SLC51B: variants seen among roughly 807,000 people sequenced by gnomAD.
SLC51B encodes organic solute transporter subunit beta.
A neutral mutation model predicts 8.0 loss-of-function variants in SLC51B; 6 were observed. That is an observed-to-expected ratio of 0.75 (90% CI 0.41 to 1.48). The LOEUF (loss-of-function observed/expected upper bound fraction) is 1.48, where lower values mean the gene tolerates loss of function less well. SLC51B is among the 40% of genes most tolerant of loss of function. The pLI is 0.01. For synonymous variants in SLC51B, 61 were observed against 54.8 expected (o/e 1.11, Z -0.50); for missense variants, 150 against 149.7 (o/e 1.00, Z -0.01).
chr15:65,047,344 A>G lies in SLC51B; in HGVS notation c.-109+1762A>G, dbSNP rs2086589338. ...AAAACAAAACTCCATCTCAAAAAAA[A>G]AAAAACATACATACAAATAGACAAA... is the stretch of plus-strand genomic sequence containing the variant. On this transcript the variant is annotated intron_variant, in intron 1 of 3. Coordinates refer to ENST00000334287, the MANE Select transcript of SLC51B (RefSeq NM_178859.4). Among the ~76,000 whole-genome samples the G allele has an allele frequency of 2.0e-5, 3 of 152,160 alleles. No homozygotes were observed. The South Asian group carries it at 6.2e-4, about 31-fold the overall frequency.
chr15:65,049,579 T>C (rs2086622779), intron 1 of SLC51B: 1 of 153,482 alleles, frequency 6.5e-6, no homozygotes, highest in African/African-American at 2.4e-5. Flanking sequence ...GGGCGCGCTG[T>C]GGGCTCGTAG....
In SLC51B at chr15:65,049,893, C is replaced by A; in HGVS notation, c.-108-4C>A. ...TCCAGTCATGCTGTCTGCTTTGTTT[C>A]CAGGGGTCTTCACGGCTTCTCTGCC... On this transcript the variant is annotated splice_polypyrimidine_tract_variant and splice_region_variant and intron_variant, in intron 1 of 3. Transcript: ENST00000334287. 1.5e-6 allele frequency: 1 copy of A among 649,796 alleles called. No individual in the cohort carries two copies. Among genetic ancestry groups the A allele is most frequent in the Non-Finnish European group, 2.5e-6 (1 of 398,722 alleles). The allele number at this position is 649,796 out of a possible 1,614,324, so 40.3% of individuals were successfully genotyped here. A position where few individuals can be genotyped will look rare whatever the true frequency, so the allele number is the denominator to read the frequency against.
intron 2 of SLC51B, 36 bp from the exon 3 acceptor site, chr15:65,051,479 A>G (rs759830555): frequency 4.1e-5 from 66 of 1,606,328 alleles, no homozygotes; most frequent in Non-Finnish European, 5.5e-5. Context: ...GTGCCTGGCC[A>G]TTCCTCAGGG....
intron 2 of SLC51B, among the ~76,000 whole-genome samples, chr15:65,050,952 C>A (rs936005844): frequency 3.5e-5 from 5 of 144,034 alleles, no homozygotes; most frequent in Non-Finnish European, 7.5e-5. Flanking sequence ...TCAAGTGATT[C>A]TCATGCCTCA....
chr15:65,046,119 G>A (rs972810445), intron 1 of SLC51B, among the ~76,000 whole-genome samples: 2 of 152,184 alleles, frequency 1.3e-5, no homozygotes, highest in South Asian at 2.1e-4. Context: ...TGGCCAATGT[G>A]GTGAAATGCT....
chr15:65,052,955 T>C lies in SLC51B; in HGVS notation c.189-11T>C, dbSNP rs1485178176. 1.3e-6 allele frequency: 2 copies of C among 1,514,768 alleles called. No individual in the cohort carries two copies. The highest frequency in any genetic ancestry group is 2.2e-5 in the South Asian group (2 of 89,494). The allele number at this position is 1,514,768 out of a possible 1,614,324, so 93.8% of individuals were successfully genotyped here. ...AGCCCCCCTCATTAACACTGTTCCC[T>C]GTCCCCCCAGAAAAGAAAAGATGCA... On this transcript the variant is annotated splice_polypyrimidine_tract_variant and intron_variant, in intron 3 of 3. Coordinates refer to ENST00000334287, the MANE Select transcript of SLC51B (RefSeq NM_178859.4).
In SLC51B at chr15:65,050,082, G is replaced by T. The variant is rs2086629568; in HGVS notation, c.78G>T (p.Trp26Cys). Reference protein sequence around the residue: ...VPQELLEEMLWFFRVEDASPW... With the variant: ...VPQELLEEMLCFFRVEDASPW... The stretch of plus-strand genomic sequence containing the variant: ...AGGAGCTGCTGGAAGAGATGCTTTG[G>T]TTTTTTCGTGTGGAAGATGGTAAGT... Residue 26 changes from tryptophan (W) to cysteine (C), a missense_variant, in exon 2 of 4, where the codon TGG becomes TGT. By Grantham distance (215) the Trp-to-Cys change is radical (BLOSUM62 -2). Transcript: ENST00000334287. 1 of 1,551,648 alleles carries T rather than the reference G, an allele frequency of 6.4e-7. No homozygotes were observed. The highest frequency in any genetic ancestry group is 8.7e-7 in the Non-Finnish European group (1 of 1,146,924).
chr15:65,053,136 T>G lies in SLC51B; in HGVS notation c.359T>G (p.Leu120Arg). 1.2e-6 allele frequency: 2 copies of G among 1,614,118 alleles called. No homozygotes were observed. The highest frequency in any genetic ancestry group is 1.7e-6 in the Non-Finnish European group (2 of 1,180,024). The change falls in exon 4 of 4, where the codon CTT becomes CGT. Residue 120 changes from leucine to arginine, a missense_variant. By Grantham distance (102) the Leu-to-Arg change is moderately radical (BLOSUM62 -2). Coordinates refer to ENST00000334287, the MANE Select transcript of SLC51B (RefSeq NM_178859.4). Reference protein sequence around the residue: ...LKERDVLSVFLPDVPETES With the variant: ...LKERDVLSVFRPDVPETES ...GAGAGAGATGTGCTGTCAGTTTTCC[T>G]TCCGGATGTACCAGAAACTGAGAGC...
chr15:65,049,895 A>G lies in SLC51B; in HGVS notation c.-108-2A>G. 1 of 686,972 alleles carries G rather than the reference A, an allele frequency of 1.5e-6. No homozygotes were observed. Among genetic ancestry groups the G allele is most frequent in the Non-Finnish European group, 2.4e-6 (1 of 422,772 alleles). The allele number at this position is 686,972 out of a possible 1,614,324, so 42.6% of individuals were successfully genotyped here. A position where few individuals can be genotyped will look rare whatever the true frequency, so the allele number is the denominator to read the frequency against. On this transcript the variant is annotated splice_acceptor_variant, in intron 1 of 3. Transcript: ENST00000334287. LOFTEE classifies it low-confidence loss of function (5UTR_SPLICE). ...CAGTCATGCTGTCTGCTTTGTTTCCAGGGGTCTTCACGGCTTCTCTGCCCA... is the reference window on the plus strand; with the variant it reads ...CAGTCATGCTGTCTGCTTTGTTTCCGGGGGTCTTCACGGCTTCTCTGCCCA...
Position 65,052,909 on chromosome 15 carries a change from C to G in SLC51B, c.189-57C>G, listed in dbSNP as rs201553723. 300 of 1,559,830 alleles carry G rather than the reference C, an allele frequency of 1.9e-4. No individual in the cohort carries two copies. In the East Asian group the frequency reaches 6.6e-3, roughly 34 times the overall value. On this transcript the variant is annotated intron_variant, in intron 3 of 3. Transcript: ENST00000334287. The stretch of plus-strand genomic sequence containing the variant: ...AGACTCTTTAAGCCATTTGGGCGAC[C>G]CAGTCCTGCCCCAACCACTCAGCCC...
In SLC51B at chr15:65,053,346, T is replaced by A; in HGVS notation, c.*182T>A. On this transcript the variant is annotated 3_prime_UTR_variant, in exon 4 of 4. Coordinates refer to ENST00000334287, the MANE Select transcript of SLC51B (RefSeq NM_178859.4). ...TGCAAGCAAACTAAAATTCTGTTAT[T>A]AAAAAAAATCTTTTATTAAAATGCT... is the stretch of plus-strand genomic sequence containing the variant. The A allele has an allele frequency of 7.1e-7, 1 of 1,416,258 alleles. No individual in the cohort carries two copies. The highest frequency in any genetic ancestry group is 9.1e-7 in the Non-Finnish European group (1 of 1,093,250). 87.7% of individuals were successfully genotyped at this position (1,416,258 alleles called of 1,614,324 possible).
At chr15:65,051,632 G>A in intron 3 of SLC51B, 27 bp downstream of exon 3, 4 of 1,608,474 alleles carry the variant, frequency 2.5e-6, no homozygotes, top group Non-Finnish European at 3.4e-6. Flanking sequence ...GGGGGGATGG[G>A]GTGGTCTCTG....
At chr15:65,048,293 G>C (rs1348053296) in intron 1 of SLC51B, among the ~76,000 whole-genome samples, 1 of 152,140 alleles carries the variant, frequency 6.6e-6, no homozygotes, top group African/African-American at 2.4e-5. Context: ...GCTTAAGTCA[G>C]TATTGTATTT....
intron 1 of SLC51B, among the ~76,000 whole-genome samples, chr15:65,048,250 C>T (rs1184284063): frequency 6.6e-6 from 1 of 151,928 alleles, no homozygotes; most frequent in Non-Finnish European, 1.5e-5. Context: ...CCATCTCCAC[C>T]TTGGCATATG....
chr15:65,047,234 G>T (rs150478320), intron 1 of SLC51B, among the ~76,000 whole-genome samples: 47 of 151,814 alleles, frequency 3.1e-4, no homozygotes, highest in African/African-American at 1.1e-3. Flanking sequence ...TACTCAGGAG[G>T]CTGAGGCAAG....
In SLC51B at chr15:65,053,238, G is replaced by A; in HGVS notation, c.*74G>A. The A allele has an allele frequency of 6.5e-7, 1 of 1,537,572 alleles. No individual in the cohort carries two copies. Among genetic ancestry groups the A allele is most frequent in the Non-Finnish European group, 8.7e-7 (1 of 1,147,582 alleles). On this transcript the variant is annotated 3_prime_UTR_variant, in exon 4 of 4. Coordinates refer to ENST00000334287, the MANE Select transcript of SLC51B (RefSeq NM_178859.4). ...CAGCTCAGTGGCCTGAAACCTCTCA[G>A]GTTTTAGAGTCTCTCCCAAGAAGCC...
rs924582784 is a variant in SLC51B at position 65,051,669 on chromosome 15, G to C, written c.188+64G>C. 19 of 1,505,382 alleles carry C rather than the reference G, an allele frequency of 1.3e-5. No homozygotes were observed. The South Asian group carries it at 2.0e-4, about 16-fold the overall frequency. 93.3% of individuals were successfully genotyped at this position (1,505,382 alleles called of 1,614,324 possible). A position where few individuals can be genotyped will look rare whatever the true frequency, so the allele number is the denominator to read the frequency against. ...GGGGTAGAGGCCCTGCCTTCCCAGA[G>C]GGAAATCTAGAGAGGGGTCACTTAG... On this transcript the variant is annotated intron_variant, in intron 3 of 3. Coordinates refer to ENST00000334287, the MANE Select transcript of SLC51B (RefSeq NM_178859.4).
At chr15:65,049,818 A>C in intron 1 of SLC51B, 79 bp from the exon 2 acceptor site, 73 of 431,496 alleles carry the variant, frequency 1.7e-4, no homozygotes, top group Middle Eastern at 6.4e-4. Flanking sequence ...ACTTTGGGCC[A>C]GAGGAGATCT....
chr15:65,047,952 G>A (rs2086598934), intron 1 of SLC51B, among the ~76,000 whole-genome samples: 1 of 152,168 alleles, frequency 6.6e-6, no homozygotes, highest in Admixed American at 6.5e-5. Flanking sequence ...GCCGAGGCGA[G>A]TGGATTACCT....
Sources: gnomAD v4.1 joint callset for allele counts (sites outside exome capture counted in the v4.1 genomes callset) on GRCh38, gnomAD v4.1.1 for gene constraint, MANE v1.5 for transcripts, NCBI Gene and HGNC (gene_info 2026-07-23, HGNC 2026-07-21) for gene names.